Variants in OTUD7B observed in about 807,000 individuals in gnomAD.
OTUD7B encodes the protein OTU deubiquitinase 7B.
OTUD7B carries 34 observed loss-of-function variants against 82.2 expected under a neutral mutation model. That is an observed-to-expected ratio of 0.41 (90% CI 0.31 to 0.55). The LOEUF is 0.55. Among genes scored for constraint, OTUD7B ranks in the 20% least tolerant of loss-of-function variants. The probability of loss-of-function intolerance (pLI) is 0.20; values close to 1 mark genes in which losing one functional copy is unlikely to be tolerated. For synonymous variants in OTUD7B, 398 were observed against 402.7 expected, an observed-to-expected ratio of 0.99 and a Z score of 0.14; for missense variants, 944 against 1,062.1, an observed-to-expected ratio of 0.89 and a Z score of 1.55.
At chr1:149,951,990 A>C (rs1223887017) in intron 7 of OTUD7B, among the ~76,000 whole-genome samples, 13 of 152,088 alleles carry the variant, frequency 8.5e-5, no homozygotes, top group Admixed American at 2.0e-4. Context: ...ACTTTCAGGA[A>C]TGCACCCAAA....
At chr1:149,968,975 C>T (rs1300471533) in intron 3 of OTUD7B, among the ~76,000 whole-genome samples, 1 of 152,104 alleles carries the variant, frequency 6.6e-6, no homozygotes, top group African/African-American at 2.4e-5. Context: ...CCTTGGCCTC[C>T]CAAAGTGCTG....
intron 1 of OTUD7B, among the ~76,000 whole-genome samples, chr1:149,992,436 C>T (rs587762020): frequency 1.4e-5 from 2 of 146,720 alleles, no homozygotes; most frequent in Admixed American, 1.4e-4. Flanking sequence ...CCAGAAATCA[C>T]AGCTATATCT....
intron 1 of OTUD7B, among the ~76,000 whole-genome samples, chr1:150,005,593 A>G (rs1652607187): frequency 6.6e-6 from 1 of 151,988 alleles, no homozygotes; most frequent in African/African-American, 2.4e-5. Context: ...ACTGGAGAAG[A>G]AAAAAAAGGG....
intron 1 of OTUD7B, among the ~76,000 whole-genome samples, chr1:149,997,841 T>C (rs1427503401): frequency 3.3e-5 from 5 of 152,118 alleles, no homozygotes; most frequent in African/African-American, 1.2e-4. Flanking sequence ...ACTTGACCCA[T>C]CTCTTCTCAA....
intron 1 of OTUD7B, among the ~76,000 whole-genome samples, chr1:150,003,166 C>T (rs1553785322): frequency 6.7e-6 from 1 of 150,282 alleles, no homozygotes; most frequent in Admixed American, 6.7e-5. Flanking sequence ...AGGAGAATGG[C>T]GTGAACCCGG....
At position 149,974,940 on chromosome 1, in the gene OTUD7B, G is replaced by A. The variant is rs143857331; in HGVS notation, c.85+2486C>T. On this transcript the variant is annotated intron_variant, in intron 2 of 11. Coordinates refer to ENST00000581312, the MANE Select transcript of OTUD7B (RefSeq NM_020205.4). ...AACTCCTGGGCTTAATTAAGCGACC[G>A]TCCCACCTCAGCCTCCCAGGTAGCT... Among the ~76,000 whole-genome samples the A allele has an allele frequency of 3.3e-5, 5 of 150,994 alleles. No individual in the cohort carries two copies. In the East Asian group the frequency reaches 5.9e-4, roughly 18 times the overall value.
At chr1:149,986,778 T>C (rs1263530910) in intron 1 of OTUD7B, among the ~76,000 whole-genome samples, 3 of 152,232 alleles carry the variant, frequency 2.0e-5, no homozygotes, top group African/African-American at 7.2e-5. Flanking sequence ...CTTAGAACTT[T>C]CACATAATTC....
the OTUD7B span, among the ~76,000 whole-genome samples, chr1:150,051,315 T>C: frequency 6.6e-6 from 1 of 151,472 alleles, no homozygotes; most frequent in African/African-American, 2.4e-5. Context: ...TCTCTGTAAT[T>C]TACCTGGAAA....
the OTUD7B span, among the ~76,000 whole-genome samples, chr1:150,015,867 T>C: frequency 6.6e-6 from 1 of 152,164 alleles, no homozygotes; most frequent in African/African-American, 2.4e-5. Flanking sequence ...GATCTAGGCA[T>C]GTGATAGAGT....
At chr1:150,011,588 A>G (rs969346925), upstream of OTUD7B, among the ~76,000 whole-genome samples, 2 of 152,240 alleles carry the variant, frequency 1.3e-5, no homozygotes, top group Admixed American at 1.3e-4. Flanking sequence ...TAGACCTTCC[A>G]TATTTGTTGA....
chr1:149,977,611 C>T, intron 1 of OTUD7B, 35 bp from the exon 2 acceptor site: 1 of 808,128 alleles, frequency 1.2e-6, no homozygotes, highest in Non-Finnish European at 2.1e-6. Context: ...GCTCAAATTA[C>T]ACTGGAACAG....
chr1:150,054,095 T>A, the OTUD7B span: 2 of 403,356 alleles, frequency 5.0e-6, no homozygotes, highest in Non-Finnish European at 9.2e-6. Context: ...AGCTGTGAAA[T>A]CCAAGGTTGA....
the OTUD7B span, chr1:150,054,102 T>C: frequency 7.7e-6 from 3 of 390,348 alleles, no homozygotes; most frequent in Non-Finnish European, 1.4e-5. Flanking sequence ...AAATCCAAGG[T>C]TGAAAAGCAA....
the OTUD7B span, among the ~76,000 whole-genome samples, chr1:150,036,662 T>C: frequency 6.6e-6 from 1 of 152,196 alleles, no homozygotes; most frequent in African/African-American, 2.4e-5. Flanking sequence ...TAAATAAAGC[T>C]ACAGTGAATA....
chr1:150,033,957 T>C, the OTUD7B span, among the ~76,000 whole-genome samples: 1 of 152,110 alleles, frequency 6.6e-6, no homozygotes, highest in African/African-American at 2.4e-5. Context: ...CTTGACCTTA[T>C]GATCCGCCCA....
chr1:150,003,699 T>C (rs587699215), intron 1 of OTUD7B, among the ~76,000 whole-genome samples: 3 of 152,338 alleles, frequency 2.0e-5, no homozygotes, highest in Admixed American at 2.0e-4. Context: ...GTTTACAAGA[T>C]AGGAGACATG....
intron 2 of OTUD7B, among the ~76,000 whole-genome samples, chr1:149,972,296 A>C (rs1335971947): frequency 2.6e-5 from 4 of 152,202 alleles, no homozygotes; most frequent in African/African-American, 9.6e-5. Context: ...TGATGATTTT[A>C]CTTCTAAATC....
chr1:150,038,422 T>C, the OTUD7B span, among the ~76,000 whole-genome samples: 2 of 152,146 alleles, frequency 1.3e-5, no homozygotes, highest in Non-Finnish European at 1.5e-5. Flanking sequence ...GGTCTCACTG[T>C]GTTGCCCAGG....
At chr1:150,026,490 A>C in the OTUD7B span, among the ~76,000 whole-genome samples, 1 of 152,186 alleles carries the variant, frequency 6.6e-6, no homozygotes, top group East Asian at 1.9e-4. Context: ...CACTTCCCTG[A>C]TGGTAGAGAT....
Sources: gnomAD v4.1 joint callset for allele counts (sites outside exome capture counted in the v4.1 genomes callset) on GRCh38, gnomAD v4.1.1 for gene constraint, MANE v1.5 for transcripts, NCBI Gene and HGNC (gene_info 2026-07-23, HGNC 2026-07-21) for gene names.